The following ERO1B variants were observed in gnomAD, a reference collection of about 807,000 sequenced individuals.
The protein encoded by ERO1B is endoplasmic reticulum oxidoreductase 1 beta.
ERO1B carries 49 observed loss-of-function variants against 75.3 expected under a neutral mutation model. The observed-to-expected ratio is 0.65, with a 90% CI of 0.52 to 0.83. ERO1B has a LOEUF of 0.83. Ranked by LOEUF, ERO1B falls within the 40% of genes least tolerant of loss-of-function variation. The pLI, the probability that ERO1B is intolerant of heterozygous loss-of-function variation, is 0.00. For synonymous variants in ERO1B, 191 were observed against 192.9 expected, an observed-to-expected ratio of 0.99 and a Z score of 0.08; for missense variants, 512 against 560.1, an observed-to-expected ratio of 0.91 and a Z score of 0.87.
intron 2 of ERO1B, among the ~76,000 whole-genome samples, chr1:236,253,812 A>G (rs982048929): frequency 6.6e-5 from 10 of 152,244 alleles, no homozygotes; most frequent in Non-Finnish European, 1.0e-4. Context: ...AGCATCCACT[A>G]TGTGTCAGGC....
intron 13 of ERO1B, among the ~76,000 whole-genome samples, chr1:236,223,424 G>A (rs1408638328): frequency 6.6e-6 from 1 of 152,158 alleles, no homozygotes; most frequent in East Asian, 1.9e-4. Flanking sequence ...CGGGAGGCAA[G>A]TAGCCTGAAA....
chr1:236,281,054 C>T (rs549422746), intron 1 of ERO1B, among the ~76,000 whole-genome samples: 1 of 152,140 alleles, frequency 6.6e-6, no homozygotes, highest in South Asian at 2.1e-4. Flanking sequence ...CCCACTCAGA[C>T]CCCCCCAGTC....
Position 236,255,700 on chromosome 1 carries a change from T to C in ERO1B, c.223-2195A>G, listed in dbSNP as rs188571157. Among the ~76,000 whole-genome samples, 237 of 152,218 alleles carry C rather than the reference T, an allele frequency of 1.6e-3. 1 individual carries two copies. Among genetic ancestry groups the C allele is most frequent in the Non-Finnish European group, 2.3e-3 (159 of 68,022 alleles). On this transcript the variant is annotated intron_variant, in intron 2 of 15. Coordinates refer to ENST00000354619, the MANE Select transcript of ERO1B (RefSeq NM_019891.4). ...GTGTTTGAGGGAGATTTAGAGGCAG[T>C]GGGGCAGGATGTGCATAAACAAAGA...
In ERO1B at chr1:236,253,474, G is replaced by A. The variant is rs778136391; in HGVS notation, c.254C>T (p.Ala85Val). Residue 85 changes from alanine to valine, a missense_variant, in exon 3 of 16, where the codon GCA (alanine) becomes GTA (valine). By Grantham distance (64) the Ala-to-Val change is moderately conservative. Coordinates refer to ENST00000354619, the MANE Select transcript of ERO1B (RefSeq NM_019891.4). ...VNLKRPCPFW[A>V]EDGHCSIKDC... Reference sequence around the variant, plus strand: ...TTTTATTGAACAGTGGCCATCTTCTGCCCAGAAAGGACAAGGTCGCTTCAG... The same window carrying A: ...TTTTATTGAACAGTGGCCATCTTCTACCCAGAAAGGACAAGGTCGCTTCAG... The A allele has an allele frequency of 6.2e-7, 1 of 1,610,548 alleles. No individual in the cohort carries two copies. Among genetic ancestry groups the A allele is most frequent in the South Asian group, 1.1e-5 (1 of 90,514 alleles).
chr1:236,261,325 G>C (rs895839272), intron 2 of ERO1B, among the ~76,000 whole-genome samples: 1 of 152,088 alleles, frequency 6.6e-6, no homozygotes, highest in Non-Finnish European at 1.5e-5. Context: ...GCAAGAAAAA[G>C]AAATAAAAGA....
chr1:236,234,476 T>C (rs10924817), intron 8 of ERO1B, among the ~76,000 whole-genome samples: 10,405 of 152,324 alleles, frequency 0.068, 743 homozygotes, highest in East Asian at 0.39. Context: ...AACTACTATA[T>C]TGCTTCAATT....
intron 12 of ERO1B, among the ~76,000 whole-genome samples, chr1:236,225,340 G>A (rs532289368): frequency 1.3e-5 from 2 of 152,310 alleles, no homozygotes; most frequent in South Asian, 4.1e-4. Context: ...ACAGATGGCT[G>A]TTAAATTTAG....
chr1:236,276,463 C>G (rs1665712610), intron 1 of ERO1B, among the ~76,000 whole-genome samples: 1 of 152,110 alleles, frequency 6.6e-6, no homozygotes, highest in Non-Finnish European at 1.5e-5. Flanking sequence ...GTCCACTAGA[C>G]AGGAAGACAA....
intron 12 of ERO1B, among the ~76,000 whole-genome samples, chr1:236,225,695 G>A (rs1016935972): frequency 2.0e-5 from 3 of 152,204 alleles, no homozygotes; most frequent in African/African-American, 7.2e-5. Flanking sequence ...AGCACTTTGG[G>A]AGGCAGAGGA....
Position 236,217,575 on chromosome 1 carries a change from A to C in ERO1B, c.*941T>G, listed in dbSNP as rs1664022899. 4 of 152,642 alleles carry C rather than the reference A, an allele frequency of 2.6e-5. No homozygotes were observed. The South Asian group carries it at 8.3e-4, about 32-fold the overall frequency. 9.5% of individuals were successfully genotyped at this position (152,642 alleles called of 1,614,324 possible). On this transcript the variant is annotated 3_prime_UTR_variant, in exon 16 of 16. Coordinates refer to ENST00000354619, the MANE Select transcript of ERO1B (RefSeq NM_019891.4). ...AAAAATGCTTACTTTAAGTGAAAAT[A>C]GCAAATTTTGTGTATATAATATTTT...
rs192309633 is a variant in ERO1B at position 236,254,037 on chromosome 1, G to T, written c.223-532C>A. ...TTTAGGATGGAGGAAGTGTGCATTT[G>T]GATAAGGCAATAAAAAGCCTGGGCA... On this transcript the variant is annotated intron_variant, in intron 2 of 15. Transcript: ENST00000354619. Among the ~76,000 whole-genome samples the T allele has an allele frequency of 1.9e-3, 287 of 152,258 alleles. 1 individual carries two copies. Among genetic ancestry groups the T allele is most frequent in the African/African-American group, 6.5e-3 (268 of 41,536 alleles).
chr1:236,225,084 C>A lies in ERO1B; in HGVS notation c.1108G>T (p.Ala370Ser). ...GAACTTTTTACCTTTAGTGACTTGG[C>A]CCCTTTTTTGTCACCTGCAAACATG... ...KSMFAGDKKG[A>S]KSLKEEFRLH... Residue 370 changes from alanine (A) to serine (S), a missense_variant, in exon 13 of 16, where the codon GCC becomes TCC. Transcript: ENST00000354619. 1 of 1,613,836 alleles carries A rather than the reference C, an allele frequency of 6.2e-7. No homozygotes were observed. Among genetic ancestry groups the A allele is most frequent in the Non-Finnish European group, 8.5e-7 (1 of 1,179,782 alleles).
At chr1:236,248,143 A>G (rs1019459935) in intron 5 of ERO1B, among the ~76,000 whole-genome samples, 1 of 152,240 alleles carries the variant, frequency 6.6e-6, no homozygotes, top group Admixed American at 6.5e-5. Context: ...ACCCTAGAAC[A>G]GTGCTTGGCA....
intron 2 of ERO1B, among the ~76,000 whole-genome samples, chr1:236,258,046 A>G (rs969019884): frequency 2.6e-5 from 4 of 151,260 alleles, no homozygotes; most frequent in African/African-American, 9.7e-5. Context: ...AGTCTGGGGA[A>G]GGAAACAGAA....
At position 236,258,149 on chromosome 1, in the gene ERO1B, C is replaced by CA. The variant is rs58531434; in HGVS notation, c.223-4645dup. 5.5e-3 allele frequency among the ~76,000 whole-genome samples: 533 copies of CA among 96,572 alleles called. 20 individuals are homozygous for CA. The highest frequency in any genetic ancestry group is 0.024 in the African/African-American group (503 of 21,046). 63.4% of individuals were successfully genotyped at this position (96,572 alleles called of 152,430 possible). A position where few individuals can be genotyped will look rare whatever the true frequency, so the allele number is the denominator to read the frequency against. On this transcript the variant is annotated intron_variant, in intron 2 of 15. Coordinates refer to ENST00000354619, the MANE Select transcript of ERO1B (RefSeq NM_019891.4). The stretch of plus-strand genomic sequence containing the variant: ...AGAAAGAAAAAAAAGAAAAACAAAG[C>CA]AAAAAAAAAAAAAACCCAGCCAGAT...
At chr1:236,260,489 A>C (rs556947794) in intron 2 of ERO1B, among the ~76,000 whole-genome samples, 5 of 152,112 alleles carry the variant, frequency 3.3e-5, no homozygotes, top group Non-Finnish European at 7.4e-5. Context: ...ACATGGTGAA[A>C]CCCTGTCTCT....
chr1:236,265,654 A>G (rs1438234536), intron 2 of ERO1B, among the ~76,000 whole-genome samples: 1 of 152,146 alleles, frequency 6.6e-6, no homozygotes, highest in Admixed American at 6.5e-5. Context: ...AAATCCCTTC[A>G]GTAGTTTCTT....
At position 236,216,765 on chromosome 1, in the gene ERO1B, CTT is replaced by C. The variant is rs1406320703; in HGVS notation, c.*1749_*1750del. 1 of 151,940 alleles carries C rather than the reference CTT, an allele frequency of 6.6e-6. No homozygotes were observed. The highest frequency in any genetic ancestry group is 1.5e-5 in the Non-Finnish European group (1 of 67,922). The allele number at this position is 151,940 out of a possible 1,614,324, so 9.4% of individuals were successfully genotyped here. ...TAAACAAAGTGCAGATTTTTCACAT[CTT>C]AAACTCTGAGTGAATACTAAGAATA... On this transcript the variant is annotated 3_prime_UTR_variant, in exon 16 of 16. Transcript: ENST00000354619.
chr1:236,251,179 G>T (rs536966834), intron 4 of ERO1B, among the ~76,000 whole-genome samples: 221 of 150,208 alleles, frequency 1.5e-3, no homozygotes, highest in African/African-American at 5.2e-3. Context: ...GTAACCTAAA[G>T]AAATAGAAAA....
Sources: gnomAD v4.1 joint callset for allele counts (sites outside exome capture counted in the v4.1 genomes callset) on GRCh38, gnomAD v4.1.1 for gene constraint, MANE v1.5 for transcripts, NCBI Gene and HGNC (gene_info 2026-07-23, HGNC 2026-07-21) for gene names.